ADK: variants seen among roughly 807,000 people sequenced by gnomAD.
ADK encodes the protein N6,N6-dimethyladenosine kinase.
ADK carries 24 observed loss-of-function variants against 44.7 expected under a neutral mutation model. That is an observed-to-expected ratio of 0.54 (90% CI 0.39 to 0.76). The LOEUF is 0.76. Ranked by LOEUF, ADK falls within the 30% of genes least tolerant of loss-of-function variation. The pLI is 0.00. For missense variants in ADK, 321 were observed against 425.1 expected (o/e 0.76, Z 2.15); for synonymous variants, 128 against 142.6 (o/e 0.90, Z 0.73).
chr10:74,664,071 G>A (rs985136126), intron 9 of ADK, among the ~76,000 whole-genome samples: 2 of 152,130 alleles, frequency 1.3e-5, no homozygotes, highest in African/African-American at 4.8e-5. Context: ...TTTAAGGTCT[G>A]TTTAAAAGCA....
intron 10 of ADK, among the ~76,000 whole-genome samples, chr10:74,675,366 G>T (rs148299639): frequency 1.2e-4 from 19 of 152,136 alleles, no homozygotes; most frequent in African/African-American, 4.1e-4. Context: ...AATTAAATTC[G>T]TAGTTCCATC....
chr10:74,629,445 A>G (rs536099570), intron 9 of ADK, among the ~76,000 whole-genome samples: 1 of 152,346 alleles, frequency 6.6e-6, no homozygotes, highest in East Asian at 1.9e-4. Flanking sequence ...AGCTCACGCA[A>G]GCAAAATTAA....
chr10:74,686,596 C>T (rs916149005), intron 10 of ADK, among the ~76,000 whole-genome samples: 2 of 152,146 alleles, frequency 1.3e-5, no homozygotes, highest in African/African-American at 2.4e-5. Flanking sequence ...ATTACCCAGT[C>T]TCAAGTATTC....
rs151155183 is a variant in ADK, at chr10:74,416,846, T to C, written c.555+18267T>C. On this transcript the variant is annotated intron_variant, in intron 6 of 10. Transcript: ENST00000539909. ...CAAATGTAGAATAGTCCACCAAAAA[T>C]ATTTTATTTCATCTTTTCCAGAGAG... 4.9e-3 allele frequency among the ~76,000 whole-genome samples: 753 copies of C among 152,132 alleles called. 4 individuals carry two copies. The highest frequency in any genetic ancestry group is 0.016 in the African/African-American group (678 of 41,570).
intron 4 of ADK, among the ~76,000 whole-genome samples, chr10:74,390,443 A>G (rs1440479824): frequency 6.6e-6 from 1 of 152,160 alleles, no homozygotes; most frequent in African/African-American, 2.4e-5. Context: ...ACAGAATAGT[A>G]AAATGAACTT....
intron 1 of ADK, among the ~76,000 whole-genome samples, chr10:74,192,108 T>C (rs1264659397): frequency 1.3e-5 from 2 of 152,248 alleles, no homozygotes; most frequent in African/African-American, 4.8e-5. Flanking sequence ...GTGTGTGTCA[T>C]AGTTCATTCC....
At chr10:74,395,999 A>G (rs1292406644) in intron 5 of ADK, among the ~76,000 whole-genome samples, 2 of 152,210 alleles carry the variant, frequency 1.3e-5, no homozygotes, top group Non-Finnish European at 2.9e-5. Context: ...CAACAGAGCA[A>G]GATTCTGTCT....
chr10:74,566,023 T>C (rs1007066371), intron 7 of ADK, among the ~76,000 whole-genome samples: 1 of 152,084 alleles, frequency 6.6e-6, no homozygotes, highest in African/African-American at 2.4e-5. Context: ...TTTATTGTGG[T>C]ATTAATTCTA....
chr10:74,291,484 A>G (rs976925358), intron 3 of ADK, among the ~76,000 whole-genome samples: 3 of 152,062 alleles, frequency 2.0e-5, no homozygotes, highest in Non-Finnish European at 2.9e-5. Flanking sequence ...AAAAGAAAGC[A>G]TTTTCTACCA....
chr10:74,473,628 G>C (rs1189707394), intron 6 of ADK, among the ~76,000 whole-genome samples: 1 of 152,110 alleles, frequency 6.6e-6, no homozygotes, highest in Non-Finnish European at 1.5e-5. Context: ...GAAATTATGG[G>C]GTTTTGAGAA....
chr10:74,291,705 C>A (rs1201710047), intron 3 of ADK, among the ~76,000 whole-genome samples: 1 of 148,194 alleles, frequency 6.7e-6, no homozygotes, highest in Non-Finnish European at 1.5e-5. Context: ...TGTTTTATAT[C>A]TACTTTAGTA....
At chr10:74,436,290 C>T (rs1285247086) in intron 6 of ADK, among the ~76,000 whole-genome samples, 1 of 152,092 alleles carries the variant, frequency 6.6e-6, no homozygotes, top group East Asian at 1.9e-4. Flanking sequence ...GCTTGTAGTC[C>T]TAGCTACTTG....
chr10:74,264,983 C>A (rs760263175), intron 3 of ADK, among the ~76,000 whole-genome samples: 3 of 151,676 alleles, frequency 2.0e-5, no homozygotes, highest in Non-Finnish European at 4.4e-5. Flanking sequence ...CTATTTTTTT[C>A]TTTATTTTTT....
intron 6 of ADK, among the ~76,000 whole-genome samples, chr10:74,467,144 A>G (rs1465418700): frequency 1.3e-5 from 2 of 152,148 alleles, no homozygotes; most frequent in Non-Finnish European, 2.9e-5. Context: ...ATTATTTCTT[A>G]TATTAAACTA....
intron 4 of ADK, among the ~76,000 whole-genome samples, chr10:74,383,914 A>C: frequency 6.6e-6 from 1 of 152,284 alleles, no homozygotes; most frequent in Non-Finnish European, 1.5e-5. Context: ...GCTGTTCTCA[A>C]ATTCCTTCAG....
At chr10:74,472,887 A>T (rs1267602759) in intron 6 of ADK, among the ~76,000 whole-genome samples, 1 of 151,992 alleles carries the variant, frequency 6.6e-6, no homozygotes, top group Non-Finnish European at 1.5e-5. Context: ...CTATTTTTAG[A>T]TGTCATAATT....
chr10:74,695,472 A>ATATG (rs542943962), intron 10 of ADK, among the ~76,000 whole-genome samples: 1 of 148,532 alleles, frequency 6.7e-6, no homozygotes, highest in Non-Finnish European at 1.5e-5. Context: ...GTATATATAT[A>ATATG]TGTGTGTGTG....
chr10:74,442,080 G>C (rs989662340), intron 6 of ADK, among the ~76,000 whole-genome samples: 3 of 151,840 alleles, frequency 2.0e-5, no homozygotes, highest in African/African-American at 7.3e-5. Context: ...TTGAGCCCAG[G>C]GGTTCAAGGC....
At chr10:74,248,412 G>A (rs1019137208) in intron 3 of ADK, among the ~76,000 whole-genome samples, 2 of 151,996 alleles carry the variant, frequency 1.3e-5, no homozygotes, top group Admixed American at 6.6e-5. Context: ...AGGCTAGAGT[G>A]CAGTGGTGCA....
Sources: allele counts gnomAD v4.1 joint callset (sites outside exome capture counted in the v4.1 genomes callset), GRCh38; gene constraint gnomAD v4.1.1; transcripts MANE v1.5; gene names NCBI Gene and HGNC (gene_info 2026-07-23, HGNC 2026-07-21).